The following SOS1 variants were observed in gnomAD, a reference collection of about 807,000 sequenced individuals.
The protein encoded by SOS1 is SOS Ras/Rac guanine nucleotide exchange factor 1.
Under a neutral mutation model 157.6 loss-of-function variants are expected in SOS1, and 25 were observed. The ratio of observed to expected loss-of-function variants is 0.16; its 90% CI spans 0.12 to 0.22. SOS1 has a LOEUF of 0.22. Ranked by LOEUF, SOS1 falls within the 10% of genes least tolerant of loss-of-function variation. The pLI is 1.00. For missense variants in SOS1, 1,237 were observed against 1,599.1 expected, an observed-to-expected ratio of 0.77 and a Z score of 3.86; for synonymous variants, 528 against 534.0, an observed-to-expected ratio of 0.99 and a Z score of 0.16.
At chr2:39,087,358 C>A (rs1384329084) in intron 1 of SOS1, among the ~76,000 whole-genome samples, 1 of 152,182 alleles carries the variant, frequency 6.6e-6, no homozygotes, top group Non-Finnish European at 1.5e-5. Flanking sequence ...GTGGAGCTGT[C>A]ATATGATAAC....
At chr2:39,034,913 G>C in intron 8 of SOS1, 4 of 501,102 alleles carry the variant, frequency 8.0e-6, no homozygotes, top group Non-Finnish European at 1.6e-5. Context: ...TAAACAAAAA[G>C]TAAAGGTACA....
rs1175015150 is a variant in SOS1, at chr2:38,984,976, ACTT to A, written c.*845_*847del. The A allele has an allele frequency of 1.3e-5, 2 of 152,154 alleles. No homozygotes were observed. The highest frequency in any genetic ancestry group is 2.9e-5 in the Non-Finnish European group (2 of 68,024). 9.4% of individuals were successfully genotyped at this position (152,154 alleles called of 1,614,324 possible). A position where few individuals can be genotyped will look rare whatever the true frequency, so the allele number is the denominator to read the frequency against. On this transcript the variant is annotated 3_prime_UTR_variant, in exon 23 of 23. Coordinates refer to ENST00000402219, the MANE Select transcript of SOS1 (RefSeq NM_005633.4). ...GAGCCATGACATGGACTACCAGTAA[ACTT>A]CTGTGGGAGAAGGAGGGAAAATGAC...
At chr2:39,017,251 A>T (rs1669660195) in intron 10 of SOS1, among the ~76,000 whole-genome samples, 2 of 152,032 alleles carry the variant, frequency 1.3e-5, no homozygotes, top group African/African-American at 4.8e-5. Context: ...GATTAAAGAA[A>T]CCCTTAAAGT....
At chr2:39,053,562 C>T (rs1572856669) in intron 5 of SOS1, among the ~76,000 whole-genome samples, 1 of 152,230 alleles carries the variant, frequency 6.6e-6, no homozygotes, top group East Asian at 1.9e-4. Flanking sequence ...TCACCATAAT[C>T]TCCTTTATTT....
intron 1 of SOS1, among the ~76,000 whole-genome samples, chr2:39,116,675 G>C (rs1673661458): frequency 6.6e-6 from 1 of 152,146 alleles, no homozygotes. Context: ...TTCAAGACCA[G>C]CCTGGTGAAA....
chr2:38,998,412 G>A (rs1042217348), intron 17 of SOS1, among the ~76,000 whole-genome samples: 1 of 152,018 alleles, frequency 6.6e-6, no homozygotes, highest in African/African-American at 2.4e-5. Flanking sequence ...ACCACACCCA[G>A]CTAATTTTTG....
chr2:39,089,635 G>C lies in SOS1; in HGVS notation c.88-21882C>G, dbSNP rs1323708803. ...CAACAAAATAAGTAGCAATAGTATT[G>C]GATTATAACCCAAAAAGTAAAATAA... On this transcript the variant is annotated intron_variant, in intron 1 of 22. Coordinates refer to ENST00000402219, the MANE Select transcript of SOS1 (RefSeq NM_005633.4). 2.0e-5 allele frequency among the ~76,000 whole-genome samples: 3 copies of C among 151,934 alleles called. No homozygotes were observed. In the South Asian group the frequency reaches 6.2e-4, roughly 32 times the overall value.
chr2:39,073,296 CCCGGTTTTG>C (rs950495170), intron 1 of SOS1, among the ~76,000 whole-genome samples: 1 of 152,126 alleles, frequency 6.6e-6, no homozygotes, highest in African/African-American at 2.4e-5. Context: ...TGTGGGTTTT[CCCGGTTTTG>C]CCATTTAATG....
At chr2:39,059,543 A>C (rs530244146) in intron 2 of SOS1, among the ~76,000 whole-genome samples, 2 of 152,182 alleles carry the variant, frequency 1.3e-5, no homozygotes, top group Non-Finnish European at 2.9e-5. Context: ...CCATAACTAA[A>C]ACCAGTAGAG....
At chr2:39,007,315 A>T in intron 15 of SOS1, 122 bp from the exon 16 acceptor site, 1 of 689,386 alleles carries the variant, frequency 1.5e-6, no homozygotes, top group Non-Finnish European at 2.6e-6. Context: ...TAACTACTAT[A>T]GAGAAGACAC....
chr2:39,011,876 T>C (rs975586599), intron 14 of SOS1, among the ~76,000 whole-genome samples: 8 of 152,092 alleles, frequency 5.3e-5, no homozygotes, highest in African/African-American at 1.9e-4. Context: ...GGGCCAGCAA[T>C]TGGTAAAGCC....
chr2:39,111,723 CTT>C (rs577014442), intron 1 of SOS1, among the ~76,000 whole-genome samples: 12 of 141,250 alleles, frequency 8.5e-5, no homozygotes, highest in African/African-American at 1.0e-4. Context: ...CTCTGGAATC[CTT>C]TTTTTTTTTT....
intron 6 of SOS1, among the ~76,000 whole-genome samples, chr2:39,043,763 A>G (rs892764924): frequency 7.9e-5 from 12 of 152,144 alleles, no homozygotes; most frequent in African/African-American, 2.9e-4. Context: ...CAGGCCTGAC[A>G]TCATGGGGGC....
chr2:39,029,134 C>T (rs553047167), intron 8 of SOS1, among the ~76,000 whole-genome samples: 6 of 152,052 alleles, frequency 3.9e-5, no homozygotes, highest in African/African-American at 4.8e-5. Context: ...TACCAGCACA[C>T]CTAAAAGGTA....
At chr2:39,069,761 T>C (rs1364489588) in intron 1 of SOS1, among the ~76,000 whole-genome samples, 1 of 152,154 alleles carries the variant, frequency 6.6e-6, no homozygotes, top group Non-Finnish European at 1.5e-5. Context: ...TTGGCCAGGC[T>C]GGTCTCAAAC....
rs544921498 is a variant in SOS1, at chr2:39,051,034, A to G, written c.864+110T>C. 7 of 968,404 alleles carry G rather than the reference A, an allele frequency of 7.2e-6. No homozygotes were observed. In the African/African-American group the frequency reaches 9.6e-5, roughly 13 times the overall value. 60.0% of individuals were successfully genotyped at this position (968,404 alleles called of 1,614,324 possible). The stretch of plus-strand genomic sequence containing the variant: ...GAAAAAGGAGCAATAACAGATAAAT[A>G]GTCAACAATTAGTATCTATGACTTT... On this transcript the variant is annotated intron_variant, in intron 6 of 22. Transcript: ENST00000402219.
At position 39,013,153 on chromosome 2, in the gene SOS1, T is replaced by G. The variant is rs114090500; in HGVS notation, c.2167+307A>C. On this transcript the variant is annotated intron_variant, in intron 13 of 22. Transcript: ENST00000402219. ...GCCCACTCGACCTCCATCAGTGGTG[T>G]TATAATGGCACAACGTAATTCCCAA... 2.6e-3 allele frequency among the ~76,000 whole-genome samples: 394 copies of G among 152,208 alleles called. 2 individuals carry two copies. Among genetic ancestry groups the G allele is most frequent in the African/African-American group, 9.1e-3 (380 of 41,536 alleles).
At chr2:38,997,072 T>G (rs1192074214) in intron 18 of SOS1, 34 bp from the exon 19 acceptor site, 3 of 1,178,650 alleles carry the variant, frequency 2.5e-6, no homozygotes, top group Non-Finnish European at 3.7e-6. Flanking sequence ...TTATTAATAT[T>G]CAAAATTATA....
chr2:38,988,531 C>T (rs1454221), intron 21 of SOS1, among the ~76,000 whole-genome samples: 142,636 of 152,242 alleles, frequency 0.94, 66,925 homozygotes, highest in African/African-American at 0.96. Context: ...TATTTTGTCA[C>T]ATGTTATAAA....
Sources: gnomAD v4.1 joint callset for allele counts (sites outside exome capture counted in the v4.1 genomes callset) on GRCh38, gnomAD v4.1.1 for gene constraint, MANE v1.5 for transcripts, NCBI Gene and HGNC (gene_info 2026-07-23, HGNC 2026-07-21) for gene names.